B3GALNT2: variants seen among roughly 807,000 people sequenced by gnomAD.
The protein encoded by B3GALNT2 is beta-1,3-N-acetylgalactosaminyltransferase 2, also known as UDP-GalNAc:beta-1,3-N-acetylgalactosaminyltransferase 2.
In B3GALNT2, 53 loss-of-function variants were observed where a neutral mutation model predicts 61.1. The observed-to-expected ratio is 0.87, with a 90% CI of 0.70 to 1.09. The LOEUF (loss-of-function observed/expected upper bound fraction) is 1.09. Among genes scored for constraint, B3GALNT2 ranks in the 50% least tolerant of loss-of-function variants. The pLI, the probability that B3GALNT2 is intolerant of heterozygous loss-of-function variation, is 0.00. For synonymous variants in B3GALNT2, 223 were observed against 237.4 expected (o/e 0.94, Z 0.56); for missense variants, 544 against 623.0 (o/e 0.87, Z 1.35).
At chr1:235,481,103 C>A (rs778175437) in intron 4 of B3GALNT2, among the ~76,000 whole-genome samples, 2 of 151,936 alleles carry the variant, frequency 1.3e-5, no homozygotes, top group Non-Finnish European at 1.5e-5. Flanking sequence ...AAATTAAGCA[C>A]ATTTCAATGG....
the B3GALNT2 span, among the ~76,000 whole-genome samples, chr1:235,442,094 G>T: frequency 6.7e-6 from 1 of 150,024 alleles, no homozygotes; most frequent in African/African-American, 2.5e-5. Context: ...TGCAACCTCC[G>T]CCTCCCAGGT....
Position 235,449,084 on chromosome 1 carries a change from A to AGTTC in B3GALNT2, c.*1121_*1122insGAAC. ...AGCCTAATAAAATCTGAACACAGTT[A>AGTTC]ATATCTGTCATAAGACTAGTTTTAA... is the stretch of plus-strand genomic sequence containing the variant. On this transcript the variant is annotated 3_prime_UTR_variant, in exon 12 of 12. Coordinates refer to ENST00000366600, the MANE Select transcript of B3GALNT2 (RefSeq NM_152490.5). 1 of 326,690 alleles carries AGTTC rather than the reference A, an allele frequency of 3.1e-6. No individual in the cohort carries two copies. The highest frequency in any genetic ancestry group is 5.9e-6 in the Non-Finnish European group (1 of 169,772). 20.2% of individuals were successfully genotyped at this position (326,690 alleles called of 1,614,324 possible). A position where few individuals can be genotyped will look rare whatever the true frequency, so the allele number is the denominator to read the frequency against.
rs74700326 is a variant in B3GALNT2 at position 235,448,222 on chromosome 1, A to C, written c.*1984T>G. The C allele has an allele frequency of 8.2e-5, 25 of 305,558 alleles. No individual in the cohort carries two copies. The highest frequency in any genetic ancestry group is 4.8e-4 in the African/African-American group (20 of 41,946). 18.9% of individuals were successfully genotyped at this position (305,558 alleles called of 1,614,324 possible). A position where few individuals can be genotyped will look rare whatever the true frequency, so the allele number is the denominator to read the frequency against. ...TAAGTAAGTAAGTAAGTCAGTCTCAAAAAAAAAAAAAAAAAAAAGACAGAT... is the reference window on the plus strand; with the variant it reads ...TAAGTAAGTAAGTAAGTCAGTCTCACAAAAAAAAAAAAAAAAAAGACAGAT... On this transcript the variant is annotated 3_prime_UTR_variant, in exon 12 of 12. Transcript: ENST00000366600.
intron 4 of B3GALNT2, among the ~76,000 whole-genome samples, chr1:235,480,602 G>C (rs1396377528): frequency 6.6e-6 from 1 of 151,864 alleles, no homozygotes; most frequent in Admixed American, 6.6e-5. Flanking sequence ...AAACAAAAAA[G>C]GGAATATAAA....
chr1:235,454,877 G>A (rs1218753540), intron 9 of B3GALNT2, among the ~76,000 whole-genome samples: 1 of 152,172 alleles, frequency 6.6e-6, no homozygotes, highest in Non-Finnish European at 1.5e-5. Flanking sequence ...ATCACCCTGT[G>A]TTTTAGTATA....
At chr1:235,487,125 C>T (rs1684845158) in intron 3 of B3GALNT2, among the ~76,000 whole-genome samples, 1 of 150,728 alleles carries the variant, frequency 6.6e-6, no homozygotes, top group African/African-American at 2.4e-5. Context: ...CGCGCCATTG[C>T]ACTCCAGTCT....
At chr1:235,475,667 GGAGA>G (rs1367695184) in intron 5 of B3GALNT2, among the ~76,000 whole-genome samples, 1 of 152,092 alleles carries the variant, frequency 6.6e-6, no homozygotes, top group African/African-American at 2.4e-5. Context: ...TTGTACAACA[GGAGA>G]GAATTTTTTT....
In B3GALNT2 at chr1:235,504,409, G is replaced by C. The variant is rs1462961813; in HGVS notation, c.-157C>G. On this transcript the variant is annotated 5_prime_UTR_variant, in exon 1 of 12. Transcript: ENST00000366600. ...GTCTGGGGGGCTCCTCGCAGCTCCC[G>C]GCCCCGCTCCTCCGGTCCCTCAGAC... is the stretch of plus-strand genomic sequence containing the variant. 1 of 771,002 alleles carries C rather than the reference G, an allele frequency of 1.3e-6. No homozygotes were observed. Among genetic ancestry groups the C allele is most frequent in the East Asian group, 3.7e-5 (1 of 27,098 alleles). 47.8% of individuals were successfully genotyped at this position (771,002 alleles called of 1,614,324 possible).
chr1:235,448,758 G>A lies in B3GALNT2; in HGVS notation c.*1448C>T, dbSNP rs781200142. On this transcript the variant is annotated 3_prime_UTR_variant, in exon 12 of 12. Coordinates refer to ENST00000366600, the MANE Select transcript of B3GALNT2 (RefSeq NM_152490.5). ...AATGGAGATTGTCTATTAGTGCGAT[G>A]GTGACAACCAACTAATAAAATTTAA... The A allele has an allele frequency of 1.9e-6, 3 of 1,609,414 alleles. No homozygotes were observed. Among genetic ancestry groups the A allele is most frequent in the Non-Finnish European group, 2.6e-6 (3 of 1,176,086 alleles).
chr1:235,494,525 T>C (rs1685221845), intron 2 of B3GALNT2, among the ~76,000 whole-genome samples, 156 bp downstream of exon 2: 1 of 151,966 alleles, frequency 6.6e-6, no homozygotes, highest in Non-Finnish European at 1.5e-5. Context: ...GGTGCAATCA[T>C]GGCTCACTGC....
Position 235,458,599 on chromosome 1 carries a change from C to A in B3GALNT2, c.1025+4G>T. ...TCTAGCTACCCAACATTTTTACAACCTACCATCTATAGAAGTTCAATAATT... is the reference window on the plus strand; with the variant it reads ...TCTAGCTACCCAACATTTTTACAACATACCATCTATAGAAGTTCAATAATT... On this transcript the variant is annotated splice_donor_region_variant and intron_variant, in intron 8 of 11. Transcript: ENST00000366600. The A allele has an allele frequency of 1.3e-6, 2 of 1,582,586 alleles. No homozygotes were observed. The highest frequency in any genetic ancestry group is 1.7e-6 in the Non-Finnish European group (2 of 1,169,642).
At chr1:235,457,929 C>T (rs935947918) in intron 8 of B3GALNT2, among the ~76,000 whole-genome samples, 4 of 145,550 alleles carry the variant, frequency 2.7e-5, no homozygotes, top group South Asian at 2.1e-4. Flanking sequence ...TTTTTTGAGA[C>T]GGAGTCTCAC....
intron 5 of B3GALNT2, among the ~76,000 whole-genome samples, chr1:235,475,683 A>G (rs2102825416): frequency 6.6e-6 from 1 of 152,304 alleles, no homozygotes; most frequent in South Asian, 2.1e-4. Flanking sequence ...AATTTTTTTA[A>G]TTGCTAAAAG....
intron 4 of B3GALNT2, among the ~76,000 whole-genome samples, chr1:235,483,152 T>C (rs374280979): frequency 6.6e-6 from 1 of 152,158 alleles, no homozygotes; most frequent in Non-Finnish European, 1.5e-5. Flanking sequence ...TAGGCTTAAC[T>C]TCAGATTTGA....
At chr1:235,471,389 G>A (rs1054355326) in intron 5 of B3GALNT2, among the ~76,000 whole-genome samples, 1 of 151,986 alleles carries the variant, frequency 6.6e-6, no homozygotes, top group African/African-American at 2.4e-5. Context: ...AAATAATGTA[G>A]GCATGTTTTG....
At chr1:235,441,573 C>G in the B3GALNT2 span, 1 of 541,936 alleles carries the variant, frequency 1.8e-6, no homozygotes. Context: ...TTTCACTGGT[C>G]ATTAACAATG....
rs1207072173 is a variant in B3GALNT2 at position 235,449,103 on chromosome 1, GTTTTAATGGAA to G, written c.*1092_*1102del. ...ACAGTTAATATCTGTCATAAGACTA[GTTTTAATGGAA>G]TTCTCTATTGAAACTACTATTTTAA... is the stretch of plus-strand genomic sequence containing the variant. On this transcript the variant is annotated 3_prime_UTR_variant, in exon 12 of 12. Transcript: ENST00000366600. 1.4e-5 allele frequency: 4 copies of G among 287,590 alleles called. No homozygotes were observed. Among genetic ancestry groups the G allele is most frequent in the Non-Finnish European group, 2.7e-5 (4 of 148,380 alleles). 17.8% of individuals were successfully genotyped at this position (287,590 alleles called of 1,614,324 possible).
chr1:235,474,985 ATATTTTTT>A (rs1461506873), intron 5 of B3GALNT2, among the ~76,000 whole-genome samples: 9 of 37,774 alleles, frequency 2.4e-4, no homozygotes, highest in African/African-American at 4.7e-4. Context: ...ATATATATAT[ATATTTTTT>A]TTTTTTTTTT....
intron 1 of B3GALNT2, among the ~76,000 whole-genome samples, chr1:235,495,865 A>G (rs753582898): frequency 1.4e-4 from 21 of 152,246 alleles, no homozygotes; most frequent in Non-Finnish European, 2.4e-4. Context: ...CTAGGTATTC[A>G]GTCTAAAAGA....
Sources: gnomAD v4.1 joint callset for allele counts (sites outside exome capture counted in the v4.1 genomes callset) on GRCh38, gnomAD v4.1.1 for gene constraint, MANE v1.5 for transcripts, NCBI Gene and HGNC (gene_info 2026-07-23, HGNC 2026-07-21) for gene names.